Variants in SNX25 observed in about 807,000 individuals in gnomAD.
SNX25 encodes sorting nexin 25.
Under a neutral mutation model 113.7 loss-of-function variants are expected in SNX25, and 62 were observed. That is an observed-to-expected ratio of 0.55 (90% CI 0.44 to 0.67). SNX25 has a LOEUF of 0.67. SNX25 is among the 30% of genes least tolerant of loss of function. The pLI is 0.00. For synonymous variants in SNX25, 421 were observed against 436.2 expected, an observed-to-expected ratio of 0.97 and a Z score of 0.43; for missense variants, 1,014 against 1,161.0, an observed-to-expected ratio of 0.87 and a Z score of 1.84.
At chr4:185,376,368 C>T in the SNX25 span, among the ~76,000 whole-genome samples, 1 of 152,028 alleles carries the variant, frequency 6.6e-6, no homozygotes, top group African/African-American at 2.4e-5. Flanking sequence ...ACCTCTGCCT[C>T]CTGGGTTCAA....
At position 185,332,644 on chromosome 4, in the gene SNX25, AGAT is replaced by A; in HGVS notation, c.1800_1802del (p.Gln600_Ile601delinsHis). 1.2e-6 allele frequency: 2 copies of A among 1,614,136 alleles called. No homozygotes were observed. The highest frequency in any genetic ancestry group is 1.7e-6 in the Non-Finnish European group (2 of 1,179,986). ...GAAGCCGTGGATGATGGTACCAATC[AGAT>A]CAATGAACAAGCCAGTTTTGCTGTA... On this transcript the variant is annotated inframe_deletion, in exon 10 of 19. Coordinates refer to ENST00000652585, the MANE Select transcript of SNX25 (RefSeq NM_001378034.2).
At position 185,311,079 on chromosome 4, in the gene SNX25, C is replaced by T. The variant is rs116003605; in HGVS notation, c.1344+263C>T. Reference sequence around the variant, plus strand: ...TTTTTCCATCTTCCCTTTGTCCTCCCCAGAGGACCCAGAAGAGCATATTTA... The same window carrying T: ...TTTTTCCATCTTCCCTTTGTCCTCCTCAGAGGACCCAGAAGAGCATATTTA... On this transcript the variant is annotated intron_variant, in intron 7 of 18. Coordinates refer to ENST00000652585, the MANE Select transcript of SNX25 (RefSeq NM_001378034.2). Among the ~76,000 whole-genome samples, 740 of 152,130 alleles carry T rather than the reference C, an allele frequency of 4.9e-3. 1 individual carries two copies. The highest frequency in any genetic ancestry group is 7.6e-3 in the Admixed American group (116 of 15,284).
chr4:185,295,650 A>G (rs1752741042), intron 6 of SNX25, among the ~76,000 whole-genome samples: 1 of 152,042 alleles, frequency 6.6e-6, no homozygotes, highest in Non-Finnish European at 1.5e-5. Context: ...GGGTTTCACC[A>G]CGTTGCTCAG....
intron 6 of SNX25, among the ~76,000 whole-genome samples, chr4:185,308,534 C>T (rs566107164): frequency 6.6e-6 from 1 of 152,290 alleles, no homozygotes; most frequent in East Asian, 1.9e-4. Context: ...CTTTCTTCCT[C>T]AGCCCCAAAT....
At chr4:185,324,770 G>A (rs569156614) in intron 9 of SNX25, among the ~76,000 whole-genome samples, 6 of 152,256 alleles carry the variant, frequency 3.9e-5, no homozygotes, top group Admixed American at 1.3e-4. Context: ...CCAGGATGGC[G>A]ATGCTCCTGC....
At chr4:185,233,556 G>T (rs1303642336) in intron 1 of SNX25, among the ~76,000 whole-genome samples, 1 of 151,804 alleles carries the variant, frequency 6.6e-6, no homozygotes, top group Non-Finnish European at 1.5e-5. Context: ...TTATTGTCAG[G>T]GTTTTCAGTT....
At chr4:185,215,848 G>C (rs1319468714) in intron 1 of SNX25, among the ~76,000 whole-genome samples, 2 of 151,022 alleles carry the variant, frequency 1.3e-5, no homozygotes, top group Non-Finnish European at 2.9e-5. Context: ...GGAGGGCAGT[G>C]GTGCCATCTT....
chr4:185,208,871 G>A (rs996386817), upstream of SNX25, among the ~76,000 whole-genome samples: 1 of 152,214 alleles, frequency 6.6e-6, no homozygotes, highest in African/African-American at 2.4e-5. Flanking sequence ...CTTAGCAAGC[G>A]TTATCTGTAT....
chr4:185,302,017 A>C (rs923460312), intron 6 of SNX25, among the ~76,000 whole-genome samples: 15 of 151,616 alleles, frequency 9.9e-5, no homozygotes, highest in Middle Eastern at 3.2e-3. Context: ...CTCCTGCCTC[A>C]GCCTCCTGAG....
At chr4:185,224,316 A>G (rs1252124868) in intron 1 of SNX25, among the ~76,000 whole-genome samples, 2 of 150,048 alleles carry the variant, frequency 1.3e-5, no homozygotes, top group Admixed American at 6.7e-5. Flanking sequence ...GCGCCATTGC[A>G]CTCCAGCCTG....
intron 9 of SNX25, among the ~76,000 whole-genome samples, chr4:185,326,140 G>A (rs1359307758): frequency 6.6e-6 from 1 of 152,136 alleles, no homozygotes. Context: ...ATACTAAATT[G>A]TTGAAAACTG....
intron 13 of SNX25, among the ~76,000 whole-genome samples, chr4:185,350,986 T>G (rs1171560449): frequency 6.6e-6 from 1 of 152,222 alleles, no homozygotes; most frequent in African/African-American, 2.4e-5. Flanking sequence ...AACTCAAAGT[T>G]CTTTTTTTCA....
chr4:185,206,777 A>G (rs1231017109), upstream of SNX25, among the ~76,000 whole-genome samples: 1 of 152,022 alleles, frequency 6.6e-6, no homozygotes, highest in Non-Finnish European at 1.5e-5. Flanking sequence ...ATTGGCTTAC[A>G]TGATTATGGA....
At chr4:185,330,207 AGGAGAAGTTTATTGCAGGGTT>A (rs2095184356) in intron 9 of SNX25, among the ~76,000 whole-genome samples, 1 of 152,080 alleles carries the variant, frequency 6.6e-6, no homozygotes, top group Non-Finnish European at 1.5e-5. Flanking sequence ...TTCTGTGTGG[AGGAGAAGTTTATTGCAGGGTT>A]GGAATGTCTC....
At chr4:185,266,505 C>T (rs1475248516) in intron 4 of SNX25, among the ~76,000 whole-genome samples, 2 of 152,066 alleles carry the variant, frequency 1.3e-5, no homozygotes, top group Admixed American at 1.3e-4. Flanking sequence ...GGATTACAGA[C>T]ATGTGCCACC....
At chr4:185,373,375 G>A (rs146960763), downstream of SNX25, among the ~76,000 whole-genome samples, 221 of 152,276 alleles carry the variant, frequency 1.5e-3, no homozygotes, top group African/African-American at 5.2e-3. Flanking sequence ...GTAAGGATCA[G>A]GAAGATGCCA....
chr4:185,324,242 G>A (rs926699470), intron 9 of SNX25, among the ~76,000 whole-genome samples: 1 of 152,158 alleles, frequency 6.6e-6, no homozygotes, highest in Non-Finnish European at 1.5e-5. Context: ...GAGAGGTAGG[G>A]AATGTGGGAG....
At chr4:185,274,339 G>A (rs926650637) in intron 5 of SNX25, among the ~76,000 whole-genome samples, 8 of 152,126 alleles carry the variant, frequency 5.3e-5, no homozygotes, top group African/African-American at 1.7e-4. Flanking sequence ...GATTACAGGC[G>A]TGAGCCACCA....
At chr4:185,319,366 T>C (rs2095102040) in intron 7 of SNX25, among the ~76,000 whole-genome samples, 1 of 149,470 alleles carries the variant, frequency 6.7e-6, no homozygotes, top group African/African-American at 2.5e-5. Flanking sequence ...CCCAGCTAAT[T>C]TTTTTTATTT....
Sources: gnomAD v4.1 joint callset for allele counts (sites outside exome capture counted in the v4.1 genomes callset) on GRCh38, gnomAD v4.1.1 for gene constraint, MANE v1.5 for transcripts, NCBI Gene and HGNC (gene_info 2026-07-23, HGNC 2026-07-21) for gene names.